TRPA1: variants seen among roughly 807,000 people sequenced by gnomAD.
The protein encoded by TRPA1 is ankyrin-like with transmembrane domains 1.
A neutral mutation model predicts 131.3 loss-of-function variants in TRPA1; 129 were observed. The observed-to-expected ratio is 0.98, with a 90% CI of 0.85 to 1.14. TRPA1 has a LOEUF of 1.14. TRPA1 is among the 50% of genes most tolerant of loss of function. The pLI, the probability that TRPA1 is intolerant of heterozygous loss-of-function variation, is 0.00. For missense variants in TRPA1, 1,304 were observed against 1,354.2 expected (o/e 0.96, Z 0.58); for synonymous variants, 441 against 451.7 (o/e 0.98, Z 0.30).
At chr8:72,045,686 A>T (rs1164058122) in intron 17 of TRPA1, among the ~76,000 whole-genome samples, 1 of 151,502 alleles carries the variant, frequency 6.6e-6, no homozygotes, top group Non-Finnish European at 1.5e-5. Context: ...CTATTGCCAC[A>T]TGGCAATGAT....
intron 17 of TRPA1, among the ~76,000 whole-genome samples, chr8:72,040,898 G>A (rs577296916): frequency 6.6e-6 from 1 of 152,118 alleles, no homozygotes; most frequent in South Asian, 2.1e-4. Context: ...AGGCAAACTG[G>A]TTAATCTCTC....
intron 5 of TRPA1, 41 bp downstream of exon 5, chr8:72,063,422 G>T: frequency 7.2e-7 from 1 of 1,382,196 alleles, no homozygotes; most frequent in Non-Finnish European, 1.0e-6. Context: ...CACCAAAATA[G>T]ACTTATTTAT....
intron 20 of TRPA1, among the ~76,000 whole-genome samples, chr8:72,036,752 ACTT>A (rs1275284213): frequency 1.3e-5 from 2 of 152,116 alleles, no homozygotes; most frequent in African/African-American, 4.8e-5. Context: ...TCTTAAGAAA[ACTT>A]CTTGGGGACT....
At chr8:72,033,571 A>G in intron 23 of TRPA1, 73 bp downstream of exon 23, 2 of 1,386,304 alleles carry the variant, frequency 1.4e-6, no homozygotes, top group Non-Finnish European at 1.0e-6. Context: ...AGATTAAAGA[A>G]GTTAAAAATG....
At chr8:72,044,961 A>G (rs1473808031) in intron 17 of TRPA1, among the ~76,000 whole-genome samples, 1 of 151,894 alleles carries the variant, frequency 6.6e-6, no homozygotes, top group Non-Finnish European at 1.5e-5. Flanking sequence ...ATTTCTTCCT[A>G]TTCTTATTCT....
chr8:72,077,627 T>C (rs563181091), upstream of TRPA1, among the ~76,000 whole-genome samples: 1 of 152,354 alleles, frequency 6.6e-6, no homozygotes, highest in East Asian at 1.9e-4. Flanking sequence ...TTTCAGGCAG[T>C]GTCTTCCTAA....
chr8:72,086,529 A>C, the TRPA1 span, among the ~76,000 whole-genome samples: 1 of 152,208 alleles, frequency 6.6e-6, no homozygotes, highest in South Asian at 2.1e-4. Flanking sequence ...GTTTAAATAA[A>C]TACAAAATTC....
intron 26 of TRPA1, 85 bp downstream of exon 26, chr8:72,023,729 T>C: frequency 1.2e-6 from 1 of 848,472 alleles, no homozygotes; most frequent in Non-Finnish European, 1.9e-6. Context: ...AACAAAAACA[T>C]CAATATAAAA....
chr8:72,053,192 A>G (rs1170711018), intron 13 of TRPA1: 1 of 211,440 alleles, frequency 4.7e-6, no homozygotes, highest in Non-Finnish European at 9.6e-6. Flanking sequence ...TGGCTTACAG[A>G]TTTGGGGCTT....
In TRPA1 at chr8:72,052,617, G is replaced by C. The variant is rs147715599; in HGVS notation, c.1793C>G (p.Thr598Arg). ...AGTGTACCTTTTGCTCCTGATGATCGTAAGAACAACCTCCTTCCTCTTATT... is the reference window on the plus strand; with the variant it reads ...AGTGTACCTTTTGCTCCTGATGATCCTAAGAACAACCTCCTTCCTCTTATT... ...LHNKRKEVVLTIIRSKRWDEC... is the reference protein window; with the variant it reads ...LHNKRKEVVLRIIRSKRWDEC... Residue 598 changes from threonine to arginine, a missense_variant, in exon 14 of 27, where the codon ACG (threonine) becomes AGG (arginine). By Grantham distance (71) the Thr-to-Arg change is moderately conservative. Transcript: ENST00000262209. 6.2e-7 allele frequency: 1 copy of C among 1,613,426 alleles called. No individual in the cohort carries two copies. Among genetic ancestry groups the C allele is most frequent in the East Asian group, 2.2e-5 (1 of 44,850 alleles).
At position 72,022,892 on chromosome 8, in the gene TRPA1, G is replaced by T. The variant is rs771853624; in HGVS notation, c.*14C>A. 3.7e-6 allele frequency: 6 copies of T among 1,611,194 alleles called. No individual in the cohort carries two copies. The South Asian group carries it at 6.6e-5, about 18-fold the overall frequency. On this transcript the variant is annotated 3_prime_UTR_variant, in exon 27 of 27. Coordinates refer to ENST00000262209, the MANE Select transcript of TRPA1 (RefSeq NM_007332.3). ...TGCACCCCCCATTAGAAGCCTCACT[G>T]AAGGTCTGAGGAGCTAAGGCTCAAG...
intron 9 of TRPA1, 85 bp from the exon 10 acceptor site, chr8:72,057,102 A>G (rs544493946): frequency 3.8e-6 from 4 of 1,061,822 alleles, no homozygotes; most frequent in Middle Eastern, 2.1e-4. Context: ...GCAAAAAAAA[A>G]TTTGACTAAA....
chr8:72,083,878 T>C, the TRPA1 span, among the ~76,000 whole-genome samples: 4 of 152,312 alleles, frequency 2.6e-5, no homozygotes, highest in East Asian at 7.7e-4. Flanking sequence ...TAAATTTTAG[T>C]TTTTATCCTG....
At chr8:72,036,113 C>A (rs1812040874) in intron 21 of TRPA1, among the ~76,000 whole-genome samples, 175 bp downstream of exon 21, 1 of 151,032 alleles carries the variant, frequency 6.6e-6, no homozygotes, top group South Asian at 2.1e-4. Context: ...GATCTTCATT[C>A]TGAACTCTGG....
intron 17 of TRPA1, among the ~76,000 whole-genome samples, chr8:72,046,169 T>C (rs758731835): frequency 6.6e-6 from 1 of 152,036 alleles, no homozygotes; most frequent in Non-Finnish European, 1.5e-5. Flanking sequence ...GCAGTTCTTA[T>C]GTGACCATTA....
At chr8:72,069,421 C>A (rs182868196) in intron 2 of TRPA1, among the ~76,000 whole-genome samples, 58 of 152,240 alleles carry the variant, frequency 3.8e-4, no homozygotes, top group African/African-American at 1.4e-3. Flanking sequence ...AGTTAAATTT[C>A]TATAGGTAGC....
chr8:72,043,920 G>C (rs576075664), intron 17 of TRPA1, among the ~76,000 whole-genome samples: 1 of 151,630 alleles, frequency 6.6e-6, no homozygotes, highest in Non-Finnish European at 1.5e-5. Flanking sequence ...TGGGTTAGTA[G>C]GTCTAAGATG....
At chr8:72,039,088 A>G (rs1480688707) in intron 18 of TRPA1, 61 bp from the exon 19 acceptor site, 24 of 1,558,660 alleles carry the variant, frequency 1.5e-5, no homozygotes, top group Non-Finnish European at 2.1e-5. Context: ...TACTTAAGAT[A>G]CCTGGGGAAA....
intron 25 of TRPA1, among the ~76,000 whole-genome samples, chr8:72,025,090 C>G (rs916356567): frequency 5.2e-5 from 7 of 133,954 alleles, no homozygotes; most frequent in Admixed American, 4.0e-4. Flanking sequence ...ATAGTGGATG[C>G]TGTGTGTGTG....
Sources: allele counts gnomAD v4.1 joint callset (sites outside exome capture counted in the v4.1 genomes callset), GRCh38; gene constraint gnomAD v4.1.1; transcripts MANE v1.5; gene names NCBI Gene and HGNC (gene_info 2026-07-23, HGNC 2026-07-21).